The following MMEL1 variants were observed in gnomAD, a reference collection of about 807,000 sequenced individuals.
The protein encoded by MMEL1 is membrane metallo-endopeptidase-like 1.
Under a neutral mutation model 117.1 loss-of-function variants are expected in MMEL1, and 98 were observed. The observed-to-expected ratio is 0.84, with a 90% CI of 0.71 to 0.99. The LOEUF (loss-of-function observed/expected upper bound fraction) is 0.99, where lower values mean the gene tolerates loss of function less well. MMEL1 is among the 50% of genes least tolerant of loss of function. The pLI, the probability that MMEL1 is intolerant of heterozygous loss-of-function variation, is 0.00. For missense variants in MMEL1, 1,014 were observed against 1,049.1 expected, an observed-to-expected ratio of 0.97 and a Z score of 0.46; for synonymous variants, 390 against 415.1, an observed-to-expected ratio of 0.94 and a Z score of 0.74.
At chr1:2,630,481 T>C (rs1431736855) in intron 1 of MMEL1, among the ~76,000 whole-genome samples, 7 of 148,816 alleles carry the variant, frequency 4.7e-5, no homozygotes, top group South Asian at 2.1e-4. Flanking sequence ...CATGTGTGTG[T>C]GTGCACGTGT....
intron 22 of MMEL1, 41 bp from the exon 23 acceptor site, chr1:2,591,674 G>A (rs146210033): frequency 1.6e-5 from 25 of 1,523,648 alleles, no homozygotes; most frequent in Non-Finnish European, 2.1e-5. Flanking sequence ...TGGCGTGGTG[G>A]GGTGGCCAGG....
chr1:2,623,641 C>T (rs375599891), intron 2 of MMEL1, among the ~76,000 whole-genome samples: 4 of 152,160 alleles, frequency 2.6e-5, no homozygotes, highest in Admixed American at 6.5e-5. Flanking sequence ...TTGGAGTAGC[C>T]GGGAGCCCCC....
chr1:2,596,210 GC>G, intron 14 of MMEL1, 103 bp from the exon 15 acceptor site: 1 of 1,042,442 alleles, frequency 9.6e-7, no homozygotes, highest in Non-Finnish European at 1.5e-6. Flanking sequence ...CCGGGGCAAG[GC>G]CCAGGGCTGC....
At chr1:2,624,246 G>GC (rs1320372551) in intron 2 of MMEL1, among the ~76,000 whole-genome samples, 2 of 152,182 alleles carry the variant, frequency 1.3e-5, no homozygotes, top group Non-Finnish European at 2.9e-5. Context: ...ACTGCTGAAG[G>GC]CCAAGGCTGG....
intron 2 of MMEL1, among the ~76,000 whole-genome samples, chr1:2,615,897 T>C (rs1334080780): frequency 1.3e-5 from 2 of 152,196 alleles, no homozygotes; most frequent in African/African-American, 2.4e-5. Context: ...TTAAAGTTGG[T>C]AAAAGATATA....
At position 2,595,980 on chromosome 1, in the gene MMEL1, G is replaced by T. The variant is rs749428643; in HGVS notation, c.1500+29C>A. On this transcript the variant is annotated intron_variant, in intron 15 of 23. Transcript: ENST00000378412. The surrounding 1 kb of genome is among the most constrained non-coding windows in gnomAD (Gnocchi z 4.8). ...GCTGCCCGTGCCCAGATCCAGTCGGGGCTGCCCTGACCTCTGCGAGCCACA... is the reference window on the plus strand; with the variant it reads ...GCTGCCCGTGCCCAGATCCAGTCGGTGCTGCCCTGACCTCTGCGAGCCACA... The T allele has an allele frequency of 2.5e-6, 4 of 1,595,910 alleles. No homozygotes were observed. In the Middle Eastern group the frequency reaches 5.0e-4, roughly 198 times the overall value.
In MMEL1 at chr1:2,591,025, G is replaced by T. The variant is rs753356864; in HGVS notation, c.2305C>A (p.Pro769Thr). Residue 769 changes from proline (P) to threonine (T), a missense_variant, in exon 24 of 24, where the codon CCC becomes ACC. Physicochemically the swap from Pro to Thr is conservative, Grantham distance 38. Coordinates refer to ENST00000378412, the MANE Select transcript of MMEL1 (RefSeq NM_033467.4). Reference sequence around the variant, plus strand: ...CGGCATCGCTCCTTGGGGTGCATGGGGGTGCCCCGGGCACAGTGGAACGTG... The same window carrying T: ...CGGCATCGCTCCTTGGGGTGCATGGTGGTGCCCCGGGCACAGTGGAACGTG... ...ADTFHCARGT[P>T]MHPKERCRVW 8 of 1,604,948 alleles carry T rather than the reference G, an allele frequency of 5.0e-6. No homozygotes were observed. The highest frequency in any genetic ancestry group is 6.8e-6 in the Non-Finnish European group (8 of 1,176,746).
intron 22 of MMEL1, 80 bp downstream of exon 22, chr1:2,591,852 C>T: frequency 1.4e-6 from 2 of 1,408,402 alleles, no homozygotes; most frequent in South Asian, 1.2e-5. Flanking sequence ...GGCTCTGGTC[C>T]CTGGAGGTGC....
Position 2,591,006 on chromosome 1 carries a change from C to G in MMEL1, c.2324G>C (p.Arg775Pro), listed in dbSNP as rs376382985. 3 of 1,596,334 alleles carry G rather than the reference C, an allele frequency of 1.9e-6. No individual in the cohort carries two copies. Among genetic ancestry groups the G allele is most frequent in the Non-Finnish European group, 1.7e-6 (2 of 1,173,046 alleles). Reference protein sequence around the residue: ...ARGTPMHPKERCRVW With the variant: ...ARGTPMHPKEPCRVW Reference sequence around the variant, plus strand: ...GGGCCTTGGCTACCACACGCGGCATCGCTCCTTGGGGTGCATGGGGGTGCC... The same window carrying G: ...GGGCCTTGGCTACCACACGCGGCATGGCTCCTTGGGGTGCATGGGGGTGCC... The change falls in exon 24 of 24, where the codon CGA becomes CCA. Residue 775 changes from arginine to proline, a missense_variant. Transcript: ENST00000378412.
intron 2 of MMEL1, 143 bp downstream of exon 2, chr1:2,629,188 C>A (rs1033901749): frequency 2.6e-5 from 22 of 859,194 alleles, no homozygotes; most frequent in Non-Finnish European, 3.6e-5. Context: ...GCCCCGGGAG[C>A]CCCTGGGTGC....
chr1:2,600,041 C>T (rs951343940), intron 11 of MMEL1, among the ~76,000 whole-genome samples: 1 of 152,072 alleles, frequency 6.6e-6, no homozygotes, highest in African/African-American at 2.4e-5. Flanking sequence ...AATCTTGGGT[C>T]ACTGCAACCT....
intron 9 of MMEL1, 46 bp from the exon 10 acceptor site, chr1:2,604,327 T>G: frequency 6.2e-7 from 1 of 1,603,442 alleles, no homozygotes. Context: ...TCAGCCACCA[T>G]GGCCCCCAGG....
intron 11 of MMEL1, among the ~76,000 whole-genome samples, chr1:2,602,591 G>A (rs1296756407): frequency 2.6e-5 from 4 of 152,068 alleles, no homozygotes; most frequent in South Asian, 2.1e-4. Flanking sequence ...CACCTGCCCC[G>A]TCCCCTTCAC....
intron 11 of MMEL1, 99 bp from the exon 12 acceptor site, chr1:2,598,889 G>A: frequency 9.8e-7 from 1 of 1,018,666 alleles, no homozygotes; most frequent in Non-Finnish European, 1.4e-6. Flanking sequence ...GAATGTTCAA[G>A]GAATAAGAGA....
Position 2,599,718 on chromosome 1 carries a change from T to C in MMEL1, c.1042-928A>G, listed in dbSNP as rs576927481. 1.3e-3 allele frequency among the ~76,000 whole-genome samples: 195 copies of C among 151,890 alleles called. 1 individual carries two copies. Among genetic ancestry groups the C allele is most frequent in the African/African-American group, 4.1e-3 (171 of 41,430 alleles). On this transcript the variant is annotated intron_variant, in intron 11 of 23. Transcript: ENST00000378412. Reference sequence around the variant, plus strand: ...ACTAAAAATGCAAAAATTAGCTGGGTGTGGTGGCGCATGCTGTAGTCCCAG... The same window carrying C: ...ACTAAAAATGCAAAAATTAGCTGGGCGTGGTGGCGCATGCTGTAGTCCCAG...
rs758637222 is a variant in MMEL1 at position 2,590,960 on chromosome 1, C to T, written c.*30G>A. 48 of 1,469,236 alleles carry T rather than the reference C, an allele frequency of 3.3e-5. No homozygotes were observed. Among genetic ancestry groups the T allele is most frequent in the East Asian group, 1.5e-4 (6 of 39,878 alleles). 91.0% of individuals were successfully genotyped at this position (1,469,236 alleles called of 1,614,324 possible). A position where few individuals can be genotyped will look rare whatever the true frequency, so the allele number is the denominator to read the frequency against. On this transcript the variant is annotated 3_prime_UTR_variant, in exon 24 of 24. Coordinates refer to ENST00000378412, the MANE Select transcript of MMEL1 (RefSeq NM_033467.4). ...CAGATGCCTCCGAGCAGCGGGTGGGCGTGGGCCGCACAGCGCGGCAGGGCC... is the reference window on the plus strand; with the variant it reads ...CAGATGCCTCCGAGCAGCGGGTGGGTGTGGGCCGCACAGCGCGGCAGGGCC...
In MMEL1 at chr1:2,609,782, G is replaced by T; in HGVS notation, c.342C>A (p.Asp114Glu). The change falls in exon 5 of 24, where the codon GAC becomes GAA. Residue 114 changes from aspartate (D) to glutamate (E), a missense_variant. Asp to Glu is a conservative substitution (Grantham distance 45, BLOSUM62 2). Coordinates refer to ENST00000378412, the MANE Select transcript of MMEL1 (RefSeq NM_033467.4). The stretch of plus-strand genomic sequence containing the variant: ...AGCCTCCGCATGCAAACTGGTAGAA[G>T]TCGTCACACGGTTCCGTGGTCGGGT... Reference protein sequence around the residue: ...NMDPTTEPCDDFYQFACGGWL... With the variant: ...NMDPTTEPCDEFYQFACGGWL... 1 of 1,613,840 alleles carries T rather than the reference G, an allele frequency of 6.2e-7. No homozygotes were observed. Among genetic ancestry groups the T allele is most frequent in the Non-Finnish European group, 8.5e-7 (1 of 1,179,936 alleles).
At chr1:2,618,209 T>A (rs1350416220) in intron 2 of MMEL1, among the ~76,000 whole-genome samples, 1 of 152,166 alleles carries the variant, frequency 6.6e-6, no homozygotes, top group African/African-American at 2.4e-5. Flanking sequence ...TCTTCATGAA[T>A]GGCTTGGTGC....
chr1:2,606,065 A>G (rs1002744030), intron 8 of MMEL1, among the ~76,000 whole-genome samples, 183 bp downstream of exon 8: 3 of 152,086 alleles, frequency 2.0e-5, no homozygotes, highest in Non-Finnish European at 4.4e-5. Context: ...CAGGAGGCCC[A>G]ACAGAAACTC....
Sources: gnomAD v4.1 joint callset for allele counts (sites outside exome capture counted in the v4.1 genomes callset) on GRCh38, gnomAD v4.1.1 for gene constraint, Gnocchi (gnomAD v3.1) non-coding constraint, MANE v1.5 for transcripts, NCBI Gene and HGNC (gene_info 2026-07-23, HGNC 2026-07-21) for gene names.